The following EPS15 variants were observed in gnomAD, a reference collection of about 807,000 sequenced individuals.
EPS15 encodes epidermal growth factor receptor substrate 15.
EPS15 carries 72 observed loss-of-function variants against 113.8 expected under a neutral mutation model. The observed-to-expected ratio is 0.63, with a 90% CI of 0.52 to 0.77. The LOEUF is 0.77. Ranked by LOEUF, EPS15 falls within the 30% of genes least tolerant of loss-of-function variation. The pLI, the probability that EPS15 is intolerant of heterozygous loss-of-function variation, is 0.00. For synonymous variants in EPS15, 344 were observed against 363.4 expected (o/e 0.95, Z 0.61); for missense variants, 1,048 against 1,045.8 (o/e 1.00, Z -0.03).
intron 1 of EPS15, among the ~76,000 whole-genome samples, chr1:51,483,163 A>G (rs529175023): frequency 6.6e-6 from 1 of 152,036 alleles, no homozygotes; most frequent in Admixed American, 6.6e-5. Flanking sequence ...TTAGTCACTT[A>G]GTAGCCGACT....
chr1:51,441,522 A>G (rs368084867), intron 11 of EPS15, among the ~76,000 whole-genome samples: 4 of 152,156 alleles, frequency 2.6e-5, no homozygotes, highest in South Asian at 4.1e-4. Context: ...CTGACTTTAT[A>G]TAACAGAACA....
chr1:51,491,556 G>A (rs1644233107), intron 1 of EPS15, among the ~76,000 whole-genome samples: 1 of 152,256 alleles, frequency 6.6e-6, no homozygotes, highest in East Asian at 1.9e-4. Flanking sequence ...GTAAACAGAA[G>A]AATGAAAAAT....
intron 8 of EPS15, among the ~76,000 whole-genome samples, chr1:51,460,406 G>A (rs537163263): frequency 1.3e-5 from 2 of 152,282 alleles, no homozygotes; most frequent in East Asian, 3.9e-4. Flanking sequence ...TGAAACTCAA[G>A]TGTTATTCAT....
chr1:51,405,889 A>G lies in EPS15; in HGVS notation c.1677+16T>C, dbSNP rs769582707. ...AAGGAGGTTGATTATGAAGGTTATG[A>G]AAGTATTAGACTCACTGGAGATTCC... On this transcript the variant is annotated intron_variant, in intron 16 of 24. Transcript: ENST00000371733. The G allele has an allele frequency of 4.7e-5, 75 of 1,606,904 alleles. No homozygotes were observed. In the Admixed American group the frequency reaches 1.2e-3, roughly 26 times the overall value.
In EPS15 at chr1:51,389,071, C is replaced by A. The variant is rs1233117513; in HGVS notation, c.2119+5310G>T. The stretch of plus-strand genomic sequence containing the variant: ...GAACATTGATGCAAAAATCCTCAAT[C>A]AAATACTGGCAAACCGAATCCAGCA... On this transcript the variant is annotated intron_variant, in intron 21 of 24. Coordinates refer to ENST00000371733, the MANE Select transcript of EPS15 (RefSeq NM_001981.3). Among the ~76,000 whole-genome samples, 23 of 152,220 alleles carry A rather than the reference C, an allele frequency of 1.5e-4. No homozygotes were observed. In the East Asian group the frequency reaches 1.9e-3, roughly 13 times the overall value.
chr1:51,441,423 T>A (rs1300299000), intron 11 of EPS15, among the ~76,000 whole-genome samples: 1 of 152,028 alleles, frequency 6.6e-6, no homozygotes, highest in East Asian at 1.9e-4. Context: ...CTACACCCAA[T>A]GCTACAACCA....
chr1:51,505,674 C>G (rs1644486746), intron 1 of EPS15, among the ~76,000 whole-genome samples: 1 of 151,800 alleles, frequency 6.6e-6, no homozygotes, highest in African/African-American at 2.4e-5. Context: ...TGAATTACAT[C>G]TCAATTAAAC....
rs183604614 is a variant in EPS15 at position 51,501,732 on chromosome 1, G to A, written c.33+17467C>T. The stretch of plus-strand genomic sequence containing the variant: ...GATCTCAGGTGATCCACCCTCCTCG[G>A]CCTCCCAAAGTGCTGGGATTACAGG... On this transcript the variant is annotated intron_variant, in intron 1 of 24. Coordinates refer to ENST00000371733, the MANE Select transcript of EPS15 (RefSeq NM_001981.3). Among the ~76,000 whole-genome samples the A allele has an allele frequency of 3.7e-3, 558 of 152,138 alleles. 11 individuals carry two copies. The highest frequency in any genetic ancestry group is 7.2e-4 in the Non-Finnish European group (49 of 67,998).
intron 12 of EPS15, chr1:51,423,545 G>C (rs927035113): frequency 7.1e-6 from 7 of 985,180 alleles, no homozygotes; most frequent in African/African-American, 1.7e-5. Flanking sequence ...CAAATCCTCA[G>C]AGGCATTCCA....
At chr1:51,517,416 G>C (rs1270412136) in intron 1 of EPS15, among the ~76,000 whole-genome samples, 1 of 152,198 alleles carries the variant, frequency 6.6e-6, no homozygotes, top group East Asian at 1.9e-4. Context: ...ATTCTCCAGA[G>C]ATGAATGATG....
intron 2 of EPS15, among the ~76,000 whole-genome samples, chr1:51,480,866 TAATTA>T (rs1185621983): frequency 5.3e-5 from 8 of 152,238 alleles, no homozygotes; most frequent in Non-Finnish European, 1.0e-4. Flanking sequence ...AATTAACCAG[TAATTA>T]ATGAGTTGAA....
At chr1:51,386,396 C>A (rs906763956) in intron 21 of EPS15, among the ~76,000 whole-genome samples, 7 of 152,142 alleles carry the variant, frequency 4.6e-5, no homozygotes, top group African/African-American at 1.4e-4. Context: ...ACAGAGTGGC[C>A]TGAATAAGCT....
At chr1:51,511,935 G>A (rs907156021) in intron 1 of EPS15, among the ~76,000 whole-genome samples, 2 of 152,192 alleles carry the variant, frequency 1.3e-5, no homozygotes, top group South Asian at 2.1e-4. Flanking sequence ...GGGAGGAAGT[G>A]AGGCTTACTT....
chr1:51,480,995 TAAG>T (rs1327934738), intron 2 of EPS15, among the ~76,000 whole-genome samples: 7 of 152,238 alleles, frequency 4.6e-5, no homozygotes, highest in Non-Finnish European at 1.0e-4. Context: ...GTATTTGTCT[TAAG>T]AATTTGGAAT....
At chr1:51,370,624 G>GTT (rs58278423) in intron 21 of EPS15, among the ~76,000 whole-genome samples, 7 of 142,198 alleles carry the variant, frequency 4.9e-5, no homozygotes, top group Admixed American at 1.4e-4. Context: ...TTGTTAGGCT[G>GTT]TTTTTTTTTT....
intron 8 of EPS15, among the ~76,000 whole-genome samples, chr1:51,454,210 C>A (rs186269685): frequency 6.6e-6 from 1 of 152,254 alleles, no homozygotes; most frequent in East Asian, 1.9e-4. Context: ...AAACTCTTCA[C>A]ATAATGAAGA....
chr1:51,474,263 A>G (rs890042874), intron 2 of EPS15, among the ~76,000 whole-genome samples: 1 of 152,238 alleles, frequency 6.6e-6, no homozygotes, highest in African/African-American at 2.4e-5. Context: ...TCTTCAACAA[A>G]GAGTCTTAGA....
rs1378521541 is a variant in EPS15 at position 51,354,417 on chromosome 1, T to C, written c.*2283A>G. ...AAAACTCAATTGCAAATTGGATATA[T>C]GGATGGGATTCTTTATTATTACTTA... On this transcript the variant is annotated 3_prime_UTR_variant, in exon 25 of 25. Coordinates refer to ENST00000371733, the MANE Select transcript of EPS15 (RefSeq NM_001981.3). The C allele has an allele frequency of 8.3e-5, 15 of 180,212 alleles. 1 individual carries two copies. The East Asian group carries it at 1.4e-3, about 16-fold the overall frequency. 11.2% of individuals were successfully genotyped at this position (180,212 alleles called of 1,614,324 possible). A position where few individuals can be genotyped will look rare whatever the true frequency, so the allele number is the denominator to read the frequency against.
At chr1:51,390,595 C>T (rs1647260346) in intron 21 of EPS15, among the ~76,000 whole-genome samples, 1 of 151,332 alleles carries the variant, frequency 6.6e-6, no homozygotes, top group African/African-American at 2.4e-5. Context: ...CCAGAATCTA[C>T]AATGAACTCA....
Sources: allele counts gnomAD v4.1 joint callset (sites outside exome capture counted in the v4.1 genomes callset), GRCh38; gene constraint gnomAD v4.1.1; transcripts MANE v1.5; gene names NCBI Gene and HGNC (gene_info 2026-07-23, HGNC 2026-07-21).